PDE1A: variants seen among roughly 807,000 people sequenced by gnomAD.
PDE1A encodes dual specificity calcium/calmodulin-dependent 3',5'-cyclic nucleotide phosphodiesterase 1A.
In PDE1A, 35 loss-of-function variants were observed where a neutral mutation model predicts 61.7. The ratio of observed to expected loss-of-function variants is 0.57; its 90% confidence interval spans 0.43 to 0.75. PDE1A has a LOEUF of 0.75. Among genes scored for constraint, PDE1A ranks in the 30% least tolerant of loss-of-function variants. The probability of loss-of-function intolerance (pLI) is 0.00; values close to 1 mark genes in which losing one functional copy is unlikely to be tolerated. For synonymous variants in PDE1A, 232 were observed against 213.2 expected (o/e 1.09, Z -0.77); for missense variants, 597 against 630.6 (o/e 0.95, Z 0.57).
chr2:182,285,846 G>A (rs888467131), intron 1 of PDE1A, among the ~76,000 whole-genome samples: 1 of 152,056 alleles, frequency 6.6e-6, no homozygotes, highest in Non-Finnish European at 1.5e-5. Flanking sequence ...AGGAATAGCA[G>A]ACTTGCAGAC....
rs988196168 is a variant in PDE1A, at chr2:182,342,490, T to G, written c.54-78076A>C. Among the ~76,000 whole-genome samples the G allele has an allele frequency of 5.9e-5, 9 of 152,320 alleles. No homozygotes were observed. The East Asian group carries it at 1.7e-3, about 29-fold the overall frequency. ...CGAGGTCAGGAGATGGAGACCATCC[T>G]GGCTAACACGGTGAAACCTCATCTC... On this transcript the variant is annotated intron_variant, in intron 1 of 13. Transcript: ENST00000351439.
intron 4 of PDE1A, among the ~76,000 whole-genome samples, chr2:182,233,513 A>G (rs1402566801): frequency 6.6e-6 from 1 of 152,198 alleles, no homozygotes; most frequent in African/African-American, 2.4e-5. Context: ...GCAGCAGAGA[A>G]AAAACAATTG....
chr2:182,430,985 T>G (rs1274512416), upstream of PDE1A, among the ~76,000 whole-genome samples: 1 of 135,172 alleles, frequency 7.4e-6, no homozygotes. Flanking sequence ...AGGGATAGCA[T>G]TGGGAGATAT....
intron 2 of PDE1A, among the ~76,000 whole-genome samples, chr2:182,503,262 A>G (rs1218911923): frequency 6.6e-6 from 1 of 152,156 alleles, no homozygotes; most frequent in East Asian, 1.9e-4. Flanking sequence ...GCCTTGTGAC[A>G]CATCCTCCTA....
the PDE1A span, among the ~76,000 whole-genome samples, chr2:182,531,393 C>T: frequency 3.2e-5 from 4 of 125,008 alleles, no homozygotes; most frequent in Non-Finnish European, 7.1e-5. Flanking sequence ...AAAAAAAATA[C>T]CATAATAATA....
chr2:182,715,097 ATTTAC>A, the PDE1A span, among the ~76,000 whole-genome samples: 7 of 151,970 alleles, frequency 4.6e-5, no homozygotes, highest in East Asian at 1.9e-4. Flanking sequence ...TTGTTTTTCA[ATTTAC>A]TTTAAGATTT....
intron 2 of PDE1A, among the ~76,000 whole-genome samples, chr2:182,452,030 A>T (rs1230119829): frequency 6.6e-6 from 1 of 151,994 alleles, no homozygotes; most frequent in Non-Finnish European, 1.5e-5. Context: ...AACTTAAAAT[A>T]TTCCATCAAA....
chr2:182,328,934 G>A (rs1697222861), intron 1 of PDE1A, among the ~76,000 whole-genome samples: 1 of 152,164 alleles, frequency 6.6e-6, no homozygotes, highest in South Asian at 2.1e-4. Flanking sequence ...GGTTTCTAGA[G>A]TTCCAAGAAC....
At chr2:182,262,022 T>C (rs1278390157) in intron 2 of PDE1A, among the ~76,000 whole-genome samples, 1 of 152,094 alleles carries the variant, frequency 6.6e-6, no homozygotes. Flanking sequence ...GGGAAAAACA[T>C]CAGATATTTT....
Position 182,279,210 on chromosome 2 carries a change from C to T in PDE1A, c.54-14796G>A, listed in dbSNP as rs116666241. Among the ~76,000 whole-genome samples the T allele has an allele frequency of 3.6e-3, 554 of 151,968 alleles. 2 individuals are homozygous for T. Among genetic ancestry groups the T allele is most frequent in the African/African-American group, 0.011 (463 of 41,502 alleles). On this transcript the variant is annotated intron_variant, in intron 1 of 13. Transcript: ENST00000351439. Reference sequence around the variant, plus strand: ...TCACTGTCAAGAGTTGGAGGATGAGCAGATTTTCAACAACGGTCTGTAGTA... The same window carrying T: ...TCACTGTCAAGAGTTGGAGGATGAGTAGATTTTCAACAACGGTCTGTAGTA...
chr2:182,568,383 A>G, the PDE1A span, among the ~76,000 whole-genome samples: 1 of 152,226 alleles, frequency 6.6e-6, no homozygotes, highest in Non-Finnish European at 1.5e-5. Context: ...TTTTATAGTA[A>G]TAGTAAACAC....
intron 1 of PDE1A, among the ~76,000 whole-genome samples, chr2:182,357,997 G>A (rs1454138913): frequency 6.6e-6 from 1 of 152,174 alleles, no homozygotes; most frequent in African/African-American, 2.4e-5. Context: ...CTTGTGATGA[G>A]CTGTGTTGCA....
chr2:182,568,384 T>C, the PDE1A span, among the ~76,000 whole-genome samples: 2 of 152,226 alleles, frequency 1.3e-5, no homozygotes, highest in African/African-American at 4.8e-5. Flanking sequence ...TTTATAGTAA[T>C]AGTAAACACA....
intron 1 of PDE1A, among the ~76,000 whole-genome samples, chr2:182,319,251 C>T (rs939115131): frequency 6.6e-6 from 1 of 152,074 alleles, no homozygotes; most frequent in Non-Finnish European, 1.5e-5. Flanking sequence ...TTTACATAAC[C>T]TAAACATGTT....
intron 13 of PDE1A, among the ~76,000 whole-genome samples, chr2:182,159,864 G>T (rs1449866076): frequency 1.3e-5 from 2 of 152,118 alleles, no homozygotes; most frequent in African/African-American, 4.8e-5. Flanking sequence ...GAGGCAGGAG[G>T]ATTTCTTGAG....
At chr2:182,173,085 T>C (rs909549098) in intron 13 of PDE1A, among the ~76,000 whole-genome samples, 1 of 152,058 alleles carries the variant, frequency 6.6e-6, no homozygotes, top group Non-Finnish European at 1.5e-5. Context: ...AAGGTGAAGC[T>C]GGCTCAGATT....
intron 7 of PDE1A, among the ~76,000 whole-genome samples, chr2:182,206,605 T>G (rs1257889120): frequency 6.6e-6 from 1 of 152,188 alleles, no homozygotes; most frequent in African/African-American, 2.4e-5. Flanking sequence ...TTTTTCACTG[T>G]CTCCATAGTT....
chr2:182,655,173 G>C, the PDE1A span, among the ~76,000 whole-genome samples: 16 of 152,188 alleles, frequency 1.1e-4, no homozygotes, highest in African/African-American at 3.6e-4. Flanking sequence ...GTGTCATCAG[G>C]GCTCTCCCCG....
At chr2:182,605,154 T>G in the PDE1A span, among the ~76,000 whole-genome samples, 1 of 152,068 alleles carries the variant, frequency 6.6e-6, no homozygotes, top group Non-Finnish European at 1.5e-5. Context: ...GTCTCTGCCC[T>G]GGGCCCTGCC....
Sources: allele counts gnomAD v4.1 joint callset (sites outside exome capture counted in the v4.1 genomes callset), GRCh38; gene constraint gnomAD v4.1.1; transcripts MANE v1.5; gene names NCBI Gene and HGNC (gene_info 2026-07-23, HGNC 2026-07-21).